Variants in DAB1 observed in about 807,000 individuals in gnomAD.
DAB1 encodes disabled homolog 1.
Under a neutral mutation model 64.6 loss-of-function variants are expected in DAB1, and 15 were observed. The ratio of observed to expected loss-of-function variants is 0.23; its 90% confidence interval spans 0.16 to 0.36. The LOEUF (loss-of-function observed/expected upper bound fraction) is 0.36. DAB1 is among the 10% of genes least tolerant of loss of function. DAB1 has a pLI of 1.00. For synonymous variants in DAB1, 235 were observed against 251.9 expected (o/e 0.93, Z 0.64); for missense variants, 596 against 706.7 (o/e 0.84, Z 1.78).
chr1:58,145,711 A>G (rs1296676451), intron 5 of DAB1, among the ~76,000 whole-genome samples: 1 of 152,212 alleles, frequency 6.6e-6, no homozygotes, highest in African/African-American at 2.4e-5. Context: ...GCTTTTATCA[A>G]GGAGAAAAAT....
At chr1:57,278,870 T>C (rs1176421607) in intron 2 of DAB1, among the ~76,000 whole-genome samples, 5 of 152,252 alleles carry the variant, frequency 3.3e-5, no homozygotes, top group Non-Finnish European at 7.3e-5. Context: ...CTTCCTCATC[T>C]GTAAACCTGA....
intron 5 of DAB1, among the ~76,000 whole-genome samples, chr1:58,127,623 A>G (rs919844597): frequency 1.3e-5 from 2 of 152,136 alleles, no homozygotes; most frequent in African/African-American, 4.8e-5. Context: ...ATCCATCTTG[A>G]ACTGATTTTT....
intron 9 of DAB1, among the ~76,000 whole-genome samples, chr1:57,061,372 C>G (rs1298092321): frequency 1.3e-5 from 2 of 152,100 alleles, no homozygotes; most frequent in Admixed American, 6.5e-5. Context: ...TTGGAGAATA[C>G]AGAGTCTTAG....
intron 3 of DAB1, among the ~76,000 whole-genome samples, chr1:58,437,001 G>A (rs1644952424): frequency 1.3e-5 from 2 of 152,132 alleles, no homozygotes; most frequent in Non-Finnish European, 2.9e-5. Context: ...TTGGTCTCTG[G>A]GACCTCGACA....
chr1:57,401,129 A>C (rs1251551128), intron 1 of DAB1, among the ~76,000 whole-genome samples: 1 of 152,198 alleles, frequency 6.6e-6, no homozygotes, highest in Non-Finnish European at 1.5e-5. Flanking sequence ...ATGTGCATGA[A>C]ATGATTTACC....
intron 5 of DAB1, among the ~76,000 whole-genome samples, chr1:57,983,635 G>T (rs1309122848): frequency 1.3e-5 from 2 of 152,172 alleles, no homozygotes. Context: ...ACTGAGTGAG[G>T]ACCCCAGCGC....
chr1:58,301,018 G>A (rs1662157302), intron 4 of DAB1, among the ~76,000 whole-genome samples: 1 of 152,026 alleles, frequency 6.6e-6, no homozygotes, highest in Non-Finnish European at 1.5e-5. Context: ...TTTGCACAAA[G>A]GTGGAGTATA....
intron 7 of DAB1, among the ~76,000 whole-genome samples, chr1:57,640,060 G>A (rs916686597): frequency 2.6e-5 from 4 of 152,144 alleles, no homozygotes; most frequent in East Asian, 1.9e-4. Flanking sequence ...AGCATGGCAC[G>A]AGAGGAAGTA....
chr1:57,414,615 A>G (rs1016888852), intron 1 of DAB1, among the ~76,000 whole-genome samples: 1 of 152,152 alleles, frequency 6.6e-6, no homozygotes, highest in Non-Finnish European at 1.5e-5. Flanking sequence ...GGATGCCTGA[A>G]TTTATTTAAT....
chr1:57,122,384 T>C (rs1221818459), intron 4 of DAB1, among the ~76,000 whole-genome samples: 2 of 152,162 alleles, frequency 1.3e-5, no homozygotes, highest in Non-Finnish European at 2.9e-5. Context: ...TGATGGGAGC[T>C]CTGGTTTTTA....
At chr1:58,152,034 A>C (rs568023698) in intron 4 of DAB1, among the ~76,000 whole-genome samples, 13 of 152,224 alleles carry the variant, frequency 8.5e-5, no homozygotes, top group Non-Finnish European at 1.8e-4. Context: ...GGTTGATTCC[A>C]GGGTGAAAAT....
At chr1:57,255,414 CA>C (rs1669687767) in intron 2 of DAB1, among the ~76,000 whole-genome samples, 1 of 152,134 alleles carries the variant, frequency 6.6e-6, no homozygotes, top group African/African-American at 2.4e-5. Flanking sequence ...GTAATGCCAA[CA>C]ATTTGGGAGG....
At chr1:58,069,858 T>G (rs1649123093) in intron 5 of DAB1, among the ~76,000 whole-genome samples, 1 of 152,234 alleles carries the variant, frequency 6.6e-6, no homozygotes, top group African/African-American at 2.4e-5. Flanking sequence ...CACATTTTCT[T>G]ATTCCAACAC....
intron 9 of DAB1, chr1:57,033,525 G>A (rs1443067866): frequency 6.2e-7 from 1 of 1,612,846 alleles, no homozygotes; most frequent in Admixed American, 1.7e-5. Context: ...ATTCTTACCG[G>A]GGTGGCTGCA....
chr1:57,706,233 C>T (rs1241251239), intron 6 of DAB1, among the ~76,000 whole-genome samples: 2 of 151,010 alleles, frequency 1.3e-5, no homozygotes, highest in Non-Finnish European at 3.0e-5. Context: ...CTCTTCCTTC[C>T]TTCTTCCCTC....
At chr1:58,266,393 C>A (rs772424561) in intron 4 of DAB1, among the ~76,000 whole-genome samples, 14 of 152,254 alleles carry the variant, frequency 9.2e-5, no homozygotes, top group Non-Finnish European at 1.6e-4. Flanking sequence ...CTCTCTGCTG[C>A]CAGGAAACAG....
chr1:58,077,904 T>A (rs1391238233), intron 5 of DAB1: 1 of 152,204 alleles, frequency 6.6e-6, no homozygotes, highest in Non-Finnish European at 1.5e-5. Context: ...AGCACCAGGC[T>A]CTGAGCCAAG....
chr1:57,106,259 C>CCA (rs1553142620), intron 4 of DAB1, among the ~76,000 whole-genome samples: 6 of 140,790 alleles, frequency 4.3e-5, no homozygotes, highest in Non-Finnish European at 3.3e-5. Flanking sequence ...CCCCTAACAC[C>CCA]CCCCCCCATC....
intron 6 of DAB1, among the ~76,000 whole-genome samples, chr1:57,690,766 TG>T (rs1242561132): frequency 6.6e-6 from 1 of 152,170 alleles, no homozygotes; most frequent in Non-Finnish European, 1.5e-5. Flanking sequence ...CCACCAACAG[TG>T]TGTGACAGCT....
Sources: gnomAD v4.1 joint callset for allele counts (sites outside exome capture counted in the v4.1 genomes callset) on GRCh38, gnomAD v4.1.1 for gene constraint, MANE v1.5 for transcripts, NCBI Gene and HGNC (gene_info 2026-07-23, HGNC 2026-07-21) for gene names.